The following CEP70 variants were observed in gnomAD, a reference collection of about 807,000 sequenced individuals.
CEP70 encodes the protein centrosomal protein of 70 kDa.
A neutral mutation model predicts 90.9 loss-of-function variants in CEP70; 70 were observed. That is an observed-to-expected ratio of 0.77 (90% CI 0.64 to 0.94). The LOEUF is 0.94. CEP70 is among the 40% of genes least tolerant of loss of function. CEP70 has a pLI of 0.00. For synonymous variants in CEP70, 220 were observed against 228.3 expected, an observed-to-expected ratio of 0.96 and a Z score of 0.33; for missense variants, 648 against 669.0, an observed-to-expected ratio of 0.97 and a Z score of 0.35.
intron 11 of CEP70, among the ~76,000 whole-genome samples, chr3:138,511,565 T>C (rs75211043): frequency 6.6e-6 from 1 of 152,244 alleles, no homozygotes; most frequent in African/African-American, 2.4e-5. Context: ...ACAACATTTT[T>C]ACTGTCAGTG....
At chr3:138,504,361 T>C (rs2034789745) in intron 13 of CEP70, among the ~76,000 whole-genome samples, 1 of 152,240 alleles carries the variant, frequency 6.6e-6, no homozygotes, top group Admixed American at 6.5e-5. Flanking sequence ...TTTTGTTGTC[T>C]TGGAATATAA....
rs1049413029 is a variant in CEP70, at chr3:138,494,776, A to G, written c.*239T>C. On this transcript the variant is annotated 3_prime_UTR_variant, in exon 18 of 18. Transcript: ENST00000264982. The stretch of plus-strand genomic sequence containing the variant: ...AACAACCTTAAATTTTAAGCACTCA[A>G]TAATTGCTTTAGAAATGAAGGGATC... 9.5e-5 allele frequency: 30 copies of G among 317,316 alleles called. No individual in the cohort carries two copies. Among genetic ancestry groups the G allele is most frequent in the African/African-American group, 5.9e-4 (27 of 45,408 alleles). The allele number at this position is 317,316 out of a possible 1,614,324, so 19.7% of individuals were successfully genotyped here. A position where few individuals can be genotyped will look rare whatever the true frequency, so the allele number is the denominator to read the frequency against.
chr3:138,516,838 T>C (rs1005332470), intron 11 of CEP70, among the ~76,000 whole-genome samples: 1 of 152,234 alleles, frequency 6.6e-6, no homozygotes, highest in Non-Finnish European at 1.5e-5. Context: ...TTAATGCATA[T>C]ATTAACTCAT....
intron 6 of CEP70, among the ~76,000 whole-genome samples, chr3:138,553,832 G>A (rs184566226): frequency 4.8e-4 from 73 of 152,226 alleles, no homozygotes; most frequent in African/African-American, 1.7e-3. Flanking sequence ...GTCAATAAAT[G>A]TGATACACCA....
chr3:138,568,632 C>T (rs1012097008), intron 6 of CEP70, among the ~76,000 whole-genome samples: 5 of 152,114 alleles, frequency 3.3e-5, no homozygotes, highest in African/African-American at 9.7e-5. Context: ...AAATACCCCT[C>T]CATTTAGAGA....
At position 138,498,049 on chromosome 3, in the gene CEP70, C is replaced by T; in HGVS notation, c.1714G>A (p.Asp572Asn). The T allele has an allele frequency of 6.2e-7, 1 of 1,612,986 alleles. No homozygotes were observed. Among genetic ancestry groups the T allele is most frequent in the Non-Finnish European group, 8.5e-7 (1 of 1,179,500 alleles). The change falls in exon 17 of 18, where the codon GAT becomes AAT. Residue 572 changes from aspartate (D) to asparagine (N), a missense_variant. Asp to Asn is a conservative substitution (Grantham distance 23). Coordinates refer to ENST00000264982, the MANE Select transcript of CEP70 (RefSeq NM_024491.4). ...FFPAFQAFTNDLLEILEIDDL... is the reference protein window; with the variant it reads ...FFPAFQAFTNNLLEILEIDDL... The stretch of plus-strand genomic sequence containing the variant: ...ATCTTACCTAAGATTTCAAGTAGAT[C>T]ATTAGTAAATGCCTGAAATGCTGGG...
At chr3:138,513,418 AC>A (rs931931608) in intron 11 of CEP70, among the ~76,000 whole-genome samples, 4 of 152,210 alleles carry the variant, frequency 2.6e-5, no homozygotes, top group Middle Eastern at 6.8e-3. Flanking sequence ...TAATTAAAAT[AC>A]TTTTCTCCAC....
In CEP70 at chr3:138,523,868, A is replaced by G. The variant is rs1418432686; in HGVS notation, c.944+1622T>C. On this transcript the variant is annotated intron_variant, in intron 11 of 17. Transcript: ENST00000264982. ...CTGACTTTCTTCACAGAATTGGAAA[A>G]ATCTACTTTAAAGTTCATATGGAAC... 2.0e-5 allele frequency among the ~76,000 whole-genome samples: 3 copies of G among 152,042 alleles called. No individual in the cohort carries two copies. In the South Asian group the frequency reaches 6.2e-4, roughly 31 times the overall value.
chr3:138,516,993 G>A (rs2036092323), intron 11 of CEP70, among the ~76,000 whole-genome samples: 1 of 152,130 alleles, frequency 6.6e-6, no homozygotes, highest in Non-Finnish European at 1.5e-5. Flanking sequence ...TTCAAAGTCA[G>A]GAAGGGTACA....
In CEP70 at chr3:138,591,914, A is replaced by C; in HGVS notation, c.-66T>G. 7.1e-7 allele frequency: 1 copy of C among 1,405,176 alleles called. No homozygotes were observed. The highest frequency in any genetic ancestry group is 2.5e-5 in the East Asian group (1 of 39,510). The allele number at this position is 1,405,176 out of a possible 1,614,324, so 87.0% of individuals were successfully genotyped here. On this transcript the variant is annotated 5_prime_UTR_variant, in exon 2 of 18. It adds an upstream start codon to the 5' untranslated region. Transcript: ENST00000264982. Reference sequence around the variant, plus strand: ...TGGTCATTCAGGTTGATCTCAATGAAATGATCACCCAACGAGTCTCATGTC... The same window carrying C: ...TGGTCATTCAGGTTGATCTCAATGACATGATCACCCAACGAGTCTCATGTC...
chr3:138,587,909 A>G (rs544111445), intron 2 of CEP70, among the ~76,000 whole-genome samples: 7 of 152,336 alleles, frequency 4.6e-5, no homozygotes, highest in Admixed American at 2.6e-4. Context: ...AGATTAATGA[A>G]ACTAAATAGA....
chr3:138,525,830 A>G (rs990638129), intron 10 of CEP70, among the ~76,000 whole-genome samples: 3 of 152,186 alleles, frequency 2.0e-5, no homozygotes, highest in African/African-American at 4.8e-5. Context: ...TATACAGACA[A>G]AAACAGAGAA....
rs1471257570 is a variant in CEP70 at position 138,505,385 on chromosome 3, T to C, written c.1131A>G (p.Gln377=). Residue 377 remains glutamine (Q), a synonymous_variant, in exon 13 of 18, where the codon CAA becomes CAG. Coordinates refer to ENST00000264982, the MANE Select transcript of CEP70 (RefSeq NM_024491.4). ...CTTGAACAAGATCTTTATTAAAATT[T>C]TGGACTCCCCCTTTGGTCTGTTTAT... is the stretch of plus-strand genomic sequence containing the variant. ...IIYKQTKGGV[Q]NFNKDLVQDC... is the part of the protein sequence containing the mutation. The C allele has an allele frequency of 1.9e-6, 3 of 1,612,578 alleles. No individual in the cohort carries two copies. Among genetic ancestry groups the C allele is most frequent in the Non-Finnish European group, 1.7e-6 (2 of 1,179,474 alleles).
At chr3:138,553,340 C>T (rs574606315) in intron 6 of CEP70, among the ~76,000 whole-genome samples, 6 of 152,092 alleles carry the variant, frequency 3.9e-5, no homozygotes, top group African/African-American at 1.2e-4. Flanking sequence ...ATTAGCTGGG[C>T]GTGGCAGCGG....
At chr3:138,553,323 CA>C (rs1184623902) in intron 6 of CEP70, among the ~76,000 whole-genome samples, 1 of 151,886 alleles carries the variant, frequency 6.6e-6, no homozygotes, top group Non-Finnish European at 1.5e-5. Flanking sequence ...ACTAAAAATA[CA>C]AAAAAATTAG....
intron 11 of CEP70, among the ~76,000 whole-genome samples, chr3:138,518,397 C>G (rs2036268091): frequency 6.6e-6 from 1 of 152,252 alleles, no homozygotes. Context: ...AAGTGGGTCC[C>G]TGACCCCCGA....
At position 138,591,906 on chromosome 3, in the gene CEP70, C is replaced by T. The variant is rs2042402327; in HGVS notation, c.-58G>A. The T allele has an allele frequency of 2.7e-6, 4 of 1,463,436 alleles. No individual in the cohort carries two copies. In the East Asian group the frequency reaches 1.0e-4, roughly 36 times the overall value. The allele number at this position is 1,463,436 out of a possible 1,614,324, so 90.7% of individuals were successfully genotyped here. A position where few individuals can be genotyped will look rare whatever the true frequency, so the allele number is the denominator to read the frequency against. ...TTTACACCTGGTCATTCAGGTTGAT[C>T]TCAATGAAATGATCACCCAACGAGT... is the stretch of plus-strand genomic sequence containing the variant. On this transcript the variant is annotated 5_prime_UTR_variant, in exon 2 of 18. Transcript: ENST00000264982.
At chr3:138,496,713 A>G in intron 17 of CEP70, 3 of 985,422 alleles carry the variant, frequency 3.0e-6, no homozygotes, top group Non-Finnish European at 3.6e-6. Context: ...AATTAAAAAA[A>G]CTGTCATGTT....
intron 6 of CEP70, among the ~76,000 whole-genome samples, chr3:138,569,342 G>C (rs1435479176): frequency 6.6e-6 from 1 of 152,134 alleles, no homozygotes; most frequent in East Asian, 1.9e-4. Context: ...CGTATATATA[G>C]TGTTGTGTCA....
Sources: gnomAD v4.1 joint callset for allele counts (sites outside exome capture counted in the v4.1 genomes callset) on GRCh38, gnomAD v4.1.1 for gene constraint, MANE v1.5 for transcripts, NCBI Gene and HGNC (gene_info 2026-07-23, HGNC 2026-07-21) for gene names.